Variants in ZC3H12B observed in about 807,000 individuals in gnomAD.
The protein encoded by ZC3H12B is zinc finger CCCH-type containing 12B.
Under a neutral mutation model 43.9 loss-of-function variants are expected in ZC3H12B, and 7 were observed. The observed-to-expected ratio is 0.16, with a 90% confidence interval of 0.09 to 0.30. ZC3H12B has a LOEUF of 0.30. Ranked by LOEUF, ZC3H12B falls within the 10% of genes least tolerant of loss-of-function variation. The probability of loss-of-function intolerance (pLI) is 1.00; values close to 1 mark genes in which losing one functional copy is unlikely to be tolerated. For missense variants in ZC3H12B, 475 were observed against 670.2 expected, an observed-to-expected ratio of 0.71 and a Z score of 3.22; for synonymous variants, 222 against 241.7, an observed-to-expected ratio of 0.92 and a Z score of 0.76.
At chrX:65,180,203 C>T in the ZC3H12B span, among the ~76,000 whole-genome samples, 137 of 111,892 alleles carry the variant, frequency 1.2e-3, no homozygotes, top group Admixed American at 3.2e-3. Flanking sequence ...GTTCAACATA[C>T]GCAAATCATT....
At chrX:65,425,810 C>T (rs2067074645) in intron 3 of ZC3H12B, among the ~76,000 whole-genome samples, 1 of 111,660 alleles carries the variant, frequency 9.0e-6, no homozygotes, top group Admixed American at 9.5e-5. Context: ...GGGGATGAAG[C>T]CAACTTGATC....
the ZC3H12B span, among the ~76,000 whole-genome samples, chrX:65,258,197 C>T: frequency 9.0e-6 from 1 of 111,434 alleles, no homozygotes; most frequent in Admixed American, 9.5e-5. Flanking sequence ...TACAATCAAG[C>T]ACATCAAAAA....
At chrX:65,078,955 A>G in the ZC3H12B span, among the ~76,000 whole-genome samples, 2 of 106,960 alleles carry the variant, frequency 1.9e-5, no homozygotes, top group Admixed American at 1.9e-4. Context: ...GCTATCAAAT[A>G]TTAGAGCTCA....
chrX:65,505,048 G>A (rs189663605), exon 5 of ZC3H12B: 2 of 112,192 alleles, frequency 1.8e-5, no homozygotes, highest in African/African-American at 6.5e-5. Context: ...TGCTCAGGGT[G>A]GAAAACTTCA....
chrX:65,209,570 A>G, the ZC3H12B span, among the ~76,000 whole-genome samples: 1 of 105,781 alleles, frequency 9.5e-6, no homozygotes, highest in South Asian at 4.4e-4. Flanking sequence ...CTGTTCTTTT[A>G]CATTTGCTGA....
intron 3 of ZC3H12B, among the ~76,000 whole-genome samples, chrX:65,452,383 C>G (rs2067527640): frequency 9.1e-6 from 1 of 109,829 alleles, no homozygotes; most frequent in Admixed American, 9.8e-5. Flanking sequence ...TGCTATACAT[C>G]ATCAGCAACC....
intron 3 of ZC3H12B, among the ~76,000 whole-genome samples, chrX:65,471,055 G>T (rs935166899): frequency 1.8e-5 from 2 of 111,620 alleles, no homozygotes; most frequent in Admixed American, 1.9e-4. Context: ...ATTTGCTCTA[G>T]AGTGCAATTA....
chrX:65,438,686 G>A (rs183538166), intron 3 of ZC3H12B, among the ~76,000 whole-genome samples: 56 of 113,146 alleles, frequency 4.9e-4, no homozygotes, highest in African/African-American at 1.7e-3. Context: ...TGAAAGGATG[G>A]GCCAAATTAA....
chrX:65,225,162 C>T, the ZC3H12B span, among the ~76,000 whole-genome samples: 2 of 111,649 alleles, frequency 1.8e-5, no homozygotes, highest in South Asian at 3.8e-4. Context: ...CGACCAGGTA[C>T]TCCTCTGAGA....
chrX:65,149,582 G>A, the ZC3H12B span, among the ~76,000 whole-genome samples: 1 of 108,816 alleles, frequency 9.2e-6, no homozygotes, highest in South Asian at 4.0e-4. Flanking sequence ...CTAACACAGT[G>A]AAACCTCGTC....
At chrX:65,349,628 AAGAG>A in the ZC3H12B span, among the ~76,000 whole-genome samples, 2 of 111,908 alleles carry the variant, frequency 1.8e-5, no homozygotes, top group African/African-American at 6.5e-5. Flanking sequence ...TAAAAAAGAA[AAGAG>A]AGAATAATCA....
chrX:65,053,652 T>A, the ZC3H12B span, among the ~76,000 whole-genome samples: 25 of 111,495 alleles, frequency 2.2e-4, no homozygotes, highest in Admixed American at 2.1e-3. Flanking sequence ...CAAATGGTAT[T>A]TCTAGTTCTA....
chrX:65,300,726 A>T, the ZC3H12B span, among the ~76,000 whole-genome samples: 68 of 111,533 alleles, frequency 6.1e-4, no homozygotes, highest in African/African-American at 2.0e-3. Context: ...TGAAAGCGCC[A>T]TCTTCTGACT....
At chrX:65,252,012 C>A in the ZC3H12B span, among the ~76,000 whole-genome samples, 1 of 111,732 alleles carries the variant, frequency 8.9e-6, no homozygotes, top group Non-Finnish European at 1.9e-5. Flanking sequence ...CTGTCTTATG[C>A]CAGTTTTCAA....
At chrX:65,270,696 A>C in the ZC3H12B span, among the ~76,000 whole-genome samples, 1 of 112,434 alleles carries the variant, frequency 8.9e-6, no homozygotes, top group African/African-American at 3.2e-5. Context: ...CAAAGTGAGA[A>C]TTTTAACAAA....
intron 3 of ZC3H12B, among the ~76,000 whole-genome samples, chrX:65,462,267 T>A (rs1260779888): frequency 2.7e-5 from 3 of 111,117 alleles, no homozygotes; most frequent in African/African-American, 9.8e-5. Flanking sequence ...TCCCAGCACT[T>A]TGGGAGGCCA....
At chrX:65,113,824 T>A in the ZC3H12B span, among the ~76,000 whole-genome samples, 1 of 106,399 alleles carries the variant, frequency 9.4e-6, no homozygotes, top group Non-Finnish European at 1.9e-5. Flanking sequence ...GTATGTACAT[T>A]TCTAGACATA....
chrX:65,376,226 A>G (rs1363293879), intron 2 of ZC3H12B, among the ~76,000 whole-genome samples: 1 of 112,179 alleles, frequency 8.9e-6, no homozygotes, highest in Non-Finnish European at 1.9e-5. Flanking sequence ...GGATAGGGAA[A>G]GCATCTCATT....
the ZC3H12B span, among the ~76,000 whole-genome samples, chrX:65,044,176 A>G: frequency 1.8e-5 from 2 of 112,204 alleles, no homozygotes; most frequent in South Asian, 3.8e-4. Context: ...TGGTCAAGAA[A>G]GGGTATCTGA....
Sources: gnomAD v4.1 joint callset for allele counts (sites outside exome capture counted in the v4.1 genomes callset) on GRCh38, gnomAD v4.1.1 for gene constraint, MANE v1.5 for transcripts, NCBI Gene and HGNC (gene_info 2026-07-23, HGNC 2026-07-21) for gene names.